The following LRRC4C variants were observed in gnomAD, a reference collection of about 807,000 sequenced individuals.
The protein encoded by LRRC4C is leucine-rich repeat-containing protein 4C.
A neutral mutation model predicts 33.6 loss-of-function variants in LRRC4C; 5 were observed. The ratio of observed to expected loss-of-function variants is 0.15; its 90% confidence interval spans 0.08 to 0.31. LRRC4C has a LOEUF of 0.31. Ranked by LOEUF, LRRC4C falls within the 10% of genes least tolerant of loss-of-function variation. The pLI is 1.00. For synonymous variants in LRRC4C, 329 were observed against 302.0 expected (o/e 1.09, Z -0.93); for missense variants, 560 against 796.7 (o/e 0.70, Z 3.58).
chr11:40,541,314 C>T (rs1158456101), intron 3 of LRRC4C, among the ~76,000 whole-genome samples: 2 of 152,008 alleles, frequency 1.3e-5, no homozygotes, highest in African/African-American at 4.8e-5. Flanking sequence ...GCTTTCTTGC[C>T]CAGGCTGGTC....
chr11:40,630,688 G>T (rs1002514546), intron 3 of LRRC4C, among the ~76,000 whole-genome samples: 1 of 152,052 alleles, frequency 6.6e-6, no homozygotes, highest in African/African-American at 2.4e-5. Flanking sequence ...TCATTCAATT[G>T]TCAGCAGATC....
At chr11:40,506,178 C>G (rs967644706) in intron 3 of LRRC4C, among the ~76,000 whole-genome samples, 2 of 152,070 alleles carry the variant, frequency 1.3e-5, no homozygotes, top group African/African-American at 2.4e-5. Flanking sequence ...TTAAGAGTAC[C>G]AGTTAATTCA....
intron 2 of LRRC4C, among the ~76,000 whole-genome samples, chr11:40,752,133 T>G (rs1339877887): frequency 6.6e-6 from 1 of 152,042 alleles, no homozygotes; most frequent in African/African-American, 2.4e-5. Flanking sequence ...ATGTTAAAAC[T>G]CTAAACTGTA....
intron 1 of LRRC4C, among the ~76,000 whole-genome samples, chr11:41,054,586 A>G (rs545612464): frequency 3.9e-5 from 6 of 152,382 alleles, no homozygotes; most frequent in African/African-American, 7.2e-5. Context: ...GAAAAGCTAC[A>G]GAATAGCCCA....
intron 4 of LRRC4C, among the ~76,000 whole-genome samples, chr11:40,278,247 G>A (rs986589786): frequency 2.0e-5 from 3 of 152,112 alleles, no homozygotes; most frequent in African/African-American, 7.2e-5. Flanking sequence ...TGCCTATGAA[G>A]AAGAAAAAGA....
chr11:40,337,412 AT>A, intron 3 of LRRC4C, among the ~76,000 whole-genome samples: 1 of 152,200 alleles, frequency 6.6e-6, no homozygotes, highest in Non-Finnish European at 1.5e-5. Context: ...CTGAGATATC[AT>A]TTATGAAGCT....
chr11:40,645,983 A>T (rs1169629239), intron 3 of LRRC4C, among the ~76,000 whole-genome samples: 1 of 151,044 alleles, frequency 6.6e-6, no homozygotes, highest in Non-Finnish European at 1.5e-5. Flanking sequence ...TTGTCCCTGC[A>T]TCCAGGATAT....
chr11:41,082,426 GC>G (rs1238570636), intron 1 of LRRC4C, among the ~76,000 whole-genome samples: 1 of 121,816 alleles, frequency 8.2e-6, no homozygotes, highest in Admixed American at 1.0e-4. Flanking sequence ...CAAATCTCAC[GC>G]TTTTTTTTTT....
chr11:40,893,844 C>T (rs1263233052), intron 2 of LRRC4C, among the ~76,000 whole-genome samples: 1 of 151,776 alleles, frequency 6.6e-6, no homozygotes, highest in Non-Finnish European at 1.5e-5. Flanking sequence ...CACACACACA[C>T]ACACACATTC....
rs570313821 is a variant in LRRC4C, at chr11:40,207,287, C to T, written c.-96+34232G>A. On this transcript the variant is annotated intron_variant, in intron 5 of 6. Transcript: ENST00000528697. ...TTCCATGCTGTGGAAAATTGTGAATCGGACACAATTGTGCATAAAGCCAGG... is the reference window on the plus strand; with the variant it reads ...TTCCATGCTGTGGAAAATTGTGAATTGGACACAATTGTGCATAAAGCCAGG... Among the ~76,000 whole-genome samples the T allele has an allele frequency of 2.0e-5, 3 of 152,156 alleles. No individual in the cohort carries two copies. In the South Asian group the frequency reaches 6.2e-4, roughly 32 times the overall value.
At chr11:40,334,334 A>G (rs181886532) in intron 3 of LRRC4C, among the ~76,000 whole-genome samples, 24 of 152,310 alleles carry the variant, frequency 1.6e-4, no homozygotes, top group Non-Finnish European at 2.8e-4. Context: ...CCACAAAAAA[A>G]AAAAAGTAAG....
intron 3 of LRRC4C, among the ~76,000 whole-genome samples, chr11:40,567,680 C>T (rs1358516818): frequency 6.6e-6 from 1 of 152,168 alleles, no homozygotes; most frequent in Non-Finnish European, 1.5e-5. Flanking sequence ...AATAATGTAG[C>T]ATCACTTAGC....
intron 3 of LRRC4C, among the ~76,000 whole-genome samples, chr11:40,520,260 A>G (rs1345103457): frequency 6.6e-6 from 1 of 152,148 alleles, no homozygotes; most frequent in East Asian, 1.9e-4. Context: ...AATTCTCTTC[A>G]ATAACTTTTT....
At chr11:40,887,550 GA>G (rs1458127731) in intron 2 of LRRC4C, among the ~76,000 whole-genome samples, 1 of 151,990 alleles carries the variant, frequency 6.6e-6, no homozygotes, top group African/African-American at 2.4e-5. Context: ...TTGTGGAAGA[GA>G]AAATAAACTT....
intron 2 of LRRC4C, among the ~76,000 whole-genome samples, chr11:40,780,691 TG>T (rs1323572632): frequency 6.6e-6 from 1 of 152,106 alleles, no homozygotes; most frequent in Admixed American, 6.6e-5. Context: ...AAGTATCCTT[TG>T]AAACTGAACC....
chr11:41,442,108 A>G (rs2138538285), intron 1 of LRRC4C, among the ~76,000 whole-genome samples: 1 of 152,232 alleles, frequency 6.6e-6, no homozygotes, highest in African/African-American at 2.4e-5. Flanking sequence ...ATTTATTCAT[A>G]TGTTTCTTTT....
At chr11:41,374,305 G>A (rs1019955936) in intron 1 of LRRC4C, among the ~76,000 whole-genome samples, 2 of 152,098 alleles carry the variant, frequency 1.3e-5, no homozygotes, top group Non-Finnish European at 2.9e-5. Context: ...TTATGAGTCT[G>A]TGCATACAAT....
chr11:41,144,340 A>G (rs528366223), intron 1 of LRRC4C, among the ~76,000 whole-genome samples: 1 of 152,348 alleles, frequency 6.6e-6, no homozygotes, highest in South Asian at 2.1e-4. Flanking sequence ...TCAGTTTAGA[A>G]TACAAGGAAA....
intron 3 of LRRC4C, among the ~76,000 whole-genome samples, chr11:40,626,245 A>G (rs758842206): frequency 1.4e-4 from 21 of 151,974 alleles, no homozygotes; most frequent in Non-Finnish European, 2.6e-4. Flanking sequence ...GTTCCCTTAC[A>G]TTTCTCTTTC....
Sources: allele counts gnomAD v4.1 joint callset (sites outside exome capture counted in the v4.1 genomes callset), GRCh38; gene constraint gnomAD v4.1.1; transcripts MANE v1.5; gene names NCBI Gene and HGNC (gene_info 2026-07-23, HGNC 2026-07-21).